UROS: variants seen among roughly 807,000 people sequenced by gnomAD.
UROS encodes uroporphyrinogen-III synthase.
In UROS, 18 loss-of-function variants were observed where a neutral mutation model predicts 33.0. That is an observed-to-expected ratio of 0.55 (90% CI 0.38 to 0.81). UROS has a LOEUF of 0.81. Ranked by LOEUF, UROS falls within the 30% of genes least tolerant of loss-of-function variation. The pLI is 0.00. For synonymous variants in UROS, 114 were observed against 121.1 expected (o/e 0.94, Z 0.38); for missense variants, 293 against 314.9 (o/e 0.93, Z 0.53).
intron 1 of UROS, among the ~76,000 whole-genome samples, chr10:125,817,287 C>G (rs1037107177): frequency 7.5e-6 from 1 of 133,030 alleles, no homozygotes; most frequent in Non-Finnish European, 1.5e-5. Flanking sequence ...AGGCTAGTCT[C>G]GAACTCCTGA....
chr10:125,816,214 G>A lies in UROS; in HGVS notation c.110C>T (p.Ser37Leu), dbSNP rs772860638. ...ACTGGGAAGAGACAAAAACTCAAAC[G>A]ATAAAACAGGGATCAAAGTGGCTTC... The part of the protein sequence containing the change: ...GLEATLIPVL[S>L]FEFLSLPSFS... The change falls in exon 3 of 10, where the codon TCG becomes TTG. Residue 37 changes from serine (S) to leucine (L), a missense_variant. By Grantham distance (145) the Ser-to-Leu change is moderately radical. Coordinates refer to ENST00000368797, the MANE Select transcript of UROS (RefSeq NM_000375.3). 3.1e-6 allele frequency: 5 copies of A among 1,614,144 alleles called. No individual in the cohort carries two copies. Among genetic ancestry groups the A allele is most frequent in the African/African-American group, 1.3e-5 (1 of 75,034 alleles).
rs150884044 is a variant in UROS at position 125,816,048 on chromosome 10, T to C, written c.147+129A>G. 4.3e-4 allele frequency: 424 copies of C among 977,362 alleles called. 1 individual carries two copies. In the East Asian group the frequency reaches 8.5e-3, roughly 20 times the overall value. 60.5% of individuals were successfully genotyped at this position (977,362 alleles called of 1,614,324 possible). A position where few individuals can be genotyped will look rare whatever the true frequency, so the allele number is the denominator to read the frequency against. ...ACAGCAGCAGCCTCCTGGAGCCAGG[T>C]GAAGTTATGCTGCCATGTTTTAAAG... On this transcript the variant is annotated intron_variant, in intron 3 of 9. Transcript: ENST00000368797.
In UROS at chr10:125,794,957, A is replaced by C; in HGVS notation, c.583T>G (p.Phe195Val). ...SQQGVPASIT[F>V]FSPSGLTYSL... ...TATGTGAGGCCAGAGGGACTAAAAA[A>C]TGTGATGCTGGCTGGAACCCCCTGT... is the stretch of plus-strand genomic sequence containing the variant. Residue 195 changes from phenylalanine to valine, a missense_variant, in exon 9 of 10, where the codon TTT becomes GTT. Transcript: ENST00000368797. The C allele has an allele frequency of 6.2e-7, 1 of 1,614,234 alleles. No individual in the cohort carries two copies. Among genetic ancestry groups the C allele is most frequent in the Non-Finnish European group, 8.5e-7 (1 of 1,180,030 alleles).
At chr10:125,794,499 AATAGACAATAATGGCAAACATAAG>A (rs1289195683) in intron 9 of UROS, 1 of 400,210 alleles carries the variant, frequency 2.5e-6, no homozygotes, top group East Asian at 1.0e-4. Context: ...CTGCTTTTAG[AATAGACAATAATGGCAAACATAAG>A]ATGGGGGAAA....
chr10:125,792,142 C>T (rs1042813518), intron 9 of UROS: 1 of 152,038 alleles, frequency 6.6e-6, no homozygotes, highest in African/African-American at 2.4e-5. Flanking sequence ...TTGTGAATTA[C>T]ATCTCAATAA....
At chr10:125,818,721 C>T (rs1853584698) in intron 1 of UROS, among the ~76,000 whole-genome samples, 1 of 152,056 alleles carries the variant, frequency 6.6e-6, no homozygotes, top group Non-Finnish European at 1.5e-5. Flanking sequence ...GCTGCTCTTG[C>T]CTCAGTCTCA....
intron 4 of UROS, among the ~76,000 whole-genome samples, chr10:125,813,650 G>A (rs779021119): frequency 6.6e-6 from 1 of 152,124 alleles, no homozygotes; most frequent in Non-Finnish European, 1.5e-5. Context: ...GCTAACTTTC[G>A]TATTTTTTGG....
In UROS at chr10:125,816,429, C is replaced by T. The variant is rs17153575; in HGVS notation, c.63+8G>A. On this transcript the variant is annotated splice_region_variant and intron_variant, in intron 2 of 9. Transcript: ENST00000368797. ...ACACTGTGGGATAAGGAGTCTCAGG[C>T]CACTTACCCTGATATACGGATCCTG... The T allele has an allele frequency of 5.7e-3, 9,124 of 1,614,096 alleles. 32 individuals are homozygous for T. The highest frequency in any genetic ancestry group is 7.0e-3 in the Non-Finnish European group (8,264 of 1,179,934).
chr10:125,817,224 A>ATTTTTTTT (rs11431196), intron 1 of UROS, among the ~76,000 whole-genome samples: 1 of 74,082 alleles, frequency 1.3e-5, no homozygotes, highest in African/African-American at 5.2e-5. Context: ...TTATAGATGT[A>ATTTTTTTT]TTTTTTTTTT....
chr10:125,801,747 A>T (rs1030806844), intron 6 of UROS, among the ~76,000 whole-genome samples: 4 of 152,266 alleles, frequency 2.6e-5, no homozygotes, highest in Non-Finnish European at 5.9e-5. Context: ...AGATAAGGTC[A>T]GAATATGTTA....
At position 125,788,853 on chromosome 10, in the gene UROS, C is replaced by A. The variant is rs376381784; in HGVS notation, c.*15G>T. On this transcript the variant is annotated 3_prime_UTR_variant, in exon 10 of 10. Coordinates refer to ENST00000368797, the MANE Select transcript of UROS (RefSeq NM_000375.3). ...GCCCAGGGAGGCTGCATGGGGCCAG[C>A]GCTAGGTGGCTGACTCAGCAGCAGC... 4 of 1,572,918 alleles carry A rather than the reference C, an allele frequency of 2.5e-6. No homozygotes were observed. Among genetic ancestry groups the A allele is most frequent in the Non-Finnish European group, 3.4e-6 (4 of 1,161,006 alleles).
intron 3 of UROS, among the ~76,000 whole-genome samples, 154 bp from the exon 4 acceptor site, chr10:125,815,284 T>C (rs1459451658): frequency 2.0e-5 from 3 of 152,350 alleles, no homozygotes; most frequent in East Asian, 1.9e-4. Flanking sequence ...GTGCTTACTA[T>C]GTGCCTGGAA....
intron 1 of UROS, among the ~76,000 whole-genome samples, chr10:125,818,420 G>T (rs972698215): frequency 2.6e-5 from 4 of 152,050 alleles, no homozygotes; most frequent in Non-Finnish European, 5.9e-5. Flanking sequence ...TTGAGCCCAG[G>T]AGTTCAAGGT....
intron 1 of UROS, among the ~76,000 whole-genome samples, chr10:125,820,697 G>A (rs1047105203): frequency 1.3e-5 from 2 of 152,214 alleles, no homozygotes; most frequent in Non-Finnish European, 2.9e-5. Flanking sequence ...ATTTGCAGGA[G>A]GTGAAACCAA....
chr10:125,803,733 A>T (rs1363168671), intron 6 of UROS, among the ~76,000 whole-genome samples: 2 of 151,930 alleles, frequency 1.3e-5, no homozygotes, highest in East Asian at 3.9e-4. Flanking sequence ...GCTCCGGTCA[A>T]CTCTCAGAGG....
chr10:125,814,747 C>T (rs1042656717), intron 4 of UROS, among the ~76,000 whole-genome samples: 8 of 152,128 alleles, frequency 5.3e-5, no homozygotes, highest in African/African-American at 1.7e-4. Flanking sequence ...ATCTCTCTTT[C>T]AGGAAAGTAG....
intron 1 of UROS, among the ~76,000 whole-genome samples, chr10:125,821,830 T>C (rs1336707599): frequency 2.0e-5 from 3 of 152,196 alleles, no homozygotes; most frequent in Non-Finnish European, 4.4e-5. Flanking sequence ...AAAGAGGCCA[T>C]TTCAAGCTGC....
At chr10:125,799,656 G>A (rs746340182) in intron 6 of UROS, among the ~76,000 whole-genome samples, 10 of 152,196 alleles carry the variant, frequency 6.6e-5, no homozygotes, top group Non-Finnish European at 1.2e-4. Flanking sequence ...GCAGCTGCTT[G>A]TCTCTATCTC....
At chr10:125,809,274 C>A (rs1165692780) in intron 5 of UROS, among the ~76,000 whole-genome samples, 1 of 152,216 alleles carries the variant, frequency 6.6e-6, no homozygotes, top group Non-Finnish European at 1.5e-5. Flanking sequence ...GCGCCCAGGT[C>A]CAACTTTGCA....
Sources: gnomAD v4.1 joint callset for allele counts (sites outside exome capture counted in the v4.1 genomes callset) on GRCh38, gnomAD v4.1.1 for gene constraint, MANE v1.5 for transcripts, NCBI Gene and HGNC (gene_info 2026-07-23, HGNC 2026-07-21) for gene names.